FRMD5: variants seen among roughly 807,000 people sequenced by gnomAD.
FRMD5 encodes the protein FERM domain containing 5, also known as FERM domain-containing protein 5.
A neutral mutation model predicts 69.0 loss-of-function variants in FRMD5; 20 were observed. The ratio of observed to expected loss-of-function variants is 0.29; its 90% CI spans 0.20 to 0.42. FRMD5 has a LOEUF of 0.42. FRMD5 is among the 10% of genes least tolerant of loss of function. The pLI is 1.00. For missense variants in FRMD5, 595 were observed against 708.6 expected, an observed-to-expected ratio of 0.84 and a Z score of 1.82; for synonymous variants, 271 against 260.1, an observed-to-expected ratio of 1.04 and a Z score of -0.40.
chr15:43,910,110 AATGTAGAAC>A (rs2140419161), intron 4 of FRMD5, 131 bp from the exon 5 acceptor site: 1 of 527,724 alleles, frequency 1.9e-6, no homozygotes, highest in African/African-American at 1.9e-5. Flanking sequence ...CCTAAAACAT[AATGTAGAAC>A]AAATACATTC....
At chr15:44,159,140 T>C (rs988417385) in intron 1 of FRMD5, among the ~76,000 whole-genome samples, 4 of 152,290 alleles carry the variant, frequency 2.6e-5, no homozygotes, top group Admixed American at 2.0e-4. Context: ...TTTGGGATGA[T>C]GAAAACATTC....
intron 1 of FRMD5, among the ~76,000 whole-genome samples, chr15:44,168,813 G>A (rs1328402587): frequency 2.6e-5 from 4 of 152,032 alleles, no homozygotes; most frequent in African/African-American, 9.7e-5. Flanking sequence ...GATTCTCTCC[G>A]AGGTGCTGAT....
At chr15:44,118,419 C>A (rs574678652) in intron 1 of FRMD5, among the ~76,000 whole-genome samples, 10 of 152,256 alleles carry the variant, frequency 6.6e-5, no homozygotes, top group Non-Finnish European at 1.5e-4. Context: ...GTGGTCTCCT[C>A]CTCTGACCAC....
chr15:43,989,329 T>C (rs1312780520), intron 1 of FRMD5: 2 of 783,918 alleles, frequency 2.6e-6, no homozygotes, highest in African/African-American at 3.4e-5. Context: ...GATGTCCACA[T>C]CACACTTCAT....
At chr15:43,988,728 C>A (rs543081123) in intron 1 of FRMD5, among the ~76,000 whole-genome samples, 1 of 152,124 alleles carries the variant, frequency 6.6e-6, no homozygotes. Context: ...TGTGTGGACA[C>A]GGGAGAGGAC....
chr15:44,174,351 A>G (rs560212729), intron 1 of FRMD5, among the ~76,000 whole-genome samples: 1 of 152,332 alleles, frequency 6.6e-6, no homozygotes, highest in South Asian at 2.1e-4. Context: ...ACATTGATGA[A>G]CCATTGTCAA....
intron 1 of FRMD5, among the ~76,000 whole-genome samples, chr15:44,115,689 GA>G (rs1410056985): frequency 6.6e-6 from 1 of 152,200 alleles, no homozygotes; most frequent in Non-Finnish European, 1.5e-5. Flanking sequence ...AAGCAAGGAA[GA>G]GTGCTAAGCA....
chr15:44,058,439 C>T (rs1246491894), intron 1 of FRMD5, among the ~76,000 whole-genome samples: 4 of 152,136 alleles, frequency 2.6e-5, no homozygotes. Context: ...GGTTGTACAA[C>T]TCCGTGAATA....
intron 1 of FRMD5, chr15:44,063,758 C>A: frequency 3.1e-6 from 1 of 320,588 alleles, no homozygotes; most frequent in Admixed American, 3.9e-5. Context: ...AGAGATCCCA[C>A]CAAAATCAAA....
chr15:44,051,733 T>A (rs1892675732), intron 1 of FRMD5, among the ~76,000 whole-genome samples: 1 of 152,068 alleles, frequency 6.6e-6, no homozygotes, highest in Admixed American at 6.5e-5. Flanking sequence ...TTTCGAGGAG[T>A]ACTAGTCAAG....
chr15:43,957,266 G>T (rs2090129644), intron 1 of FRMD5, among the ~76,000 whole-genome samples: 1 of 151,930 alleles, frequency 6.6e-6, no homozygotes, highest in African/African-American at 2.4e-5. Flanking sequence ...TGAGATCTTG[G>T]CTCCCTGCAA....
At chr15:44,023,870 G>A (rs1285500299) in intron 1 of FRMD5, among the ~76,000 whole-genome samples, 1 of 152,122 alleles carries the variant, frequency 6.6e-6, no homozygotes, top group Non-Finnish European at 1.5e-5. Flanking sequence ...CTGAGAATCA[G>A]CATGATATCA....
intron 1 of FRMD5, among the ~76,000 whole-genome samples, chr15:43,970,623 T>A (rs2090360402): frequency 6.6e-6 from 1 of 152,118 alleles, no homozygotes; most frequent in South Asian, 2.1e-4. Flanking sequence ...CTTGGCTAAT[T>A]CTTTTGTACT....
At chr15:44,084,268 A>C (rs1894104981) in intron 1 of FRMD5, among the ~76,000 whole-genome samples, 2 of 151,992 alleles carry the variant, frequency 1.3e-5, no homozygotes, top group African/African-American at 4.8e-5. Flanking sequence ...GCAAGCTGTA[A>C]ACTTCTTCTC....
chr15:44,067,314 G>A lies in FRMD5; in HGVS notation c.102+127639C>T, dbSNP rs1039398163. On this transcript the variant is annotated intron_variant, in intron 1 of 13. Transcript: ENST00000417257. ...ATATAATCATGAGCAAAAAAGTACT[G>A]GTTAAAATATTGCTTAGACACCAAA... Among the ~76,000 whole-genome samples, 3 of 152,064 alleles carry A rather than the reference G, an allele frequency of 2.0e-5. No homozygotes were observed. The East Asian group carries it at 5.8e-4, about 29-fold the overall frequency.
chr15:44,166,692 G>A (rs1160614246), intron 1 of FRMD5, among the ~76,000 whole-genome samples: 2 of 148,842 alleles, frequency 1.3e-5, no homozygotes, highest in Non-Finnish European at 3.0e-5. Flanking sequence ...GCTGAGGCAG[G>A]AGAATGGTTT....
intron 1 of FRMD5, among the ~76,000 whole-genome samples, chr15:44,185,352 G>A (rs1373684651): frequency 6.6e-6 from 1 of 152,156 alleles, no homozygotes. Flanking sequence ...AAGAGCTGAG[G>A]GGCTATTCTG....
At chr15:44,017,973 A>T (rs1891046611) in intron 1 of FRMD5, among the ~76,000 whole-genome samples, 1 of 152,204 alleles carries the variant, frequency 6.6e-6, no homozygotes, top group African/African-American at 2.4e-5. Context: ...TATTAGCCTA[A>T]GTCCCACTGC....
intron 1 of FRMD5, among the ~76,000 whole-genome samples, chr15:44,098,272 AT>A (rs1233896092): frequency 2.0e-5 from 3 of 152,170 alleles, no homozygotes; most frequent in Non-Finnish European, 4.4e-5. Flanking sequence ...CACGCCTGTA[AT>A]CCTAGCACTT....
Sources: gnomAD v4.1 joint callset for allele counts (sites outside exome capture counted in the v4.1 genomes callset) on GRCh38, gnomAD v4.1.1 for gene constraint, MANE v1.5 for transcripts, NCBI Gene and HGNC (gene_info 2026-07-23, HGNC 2026-07-21) for gene names.